RBFOX1: variants seen among roughly 807,000 people sequenced by gnomAD.
The protein encoded by RBFOX1 is RNA binding protein fox-1 homolog 1.
A neutral mutation model predicts 57.7 loss-of-function variants in RBFOX1; 8 were observed. The observed-to-expected ratio is 0.14, with a 90% CI of 0.08 to 0.25. The LOEUF (loss-of-function observed/expected upper bound fraction) is 0.25, where lower values mean the gene tolerates loss of function less well. Ranked by LOEUF, RBFOX1 falls within the 10% of genes least tolerant of loss-of-function variation. RBFOX1 has a pLI of 1.00. For synonymous variants in RBFOX1, 326 were observed against 222.4 expected (o/e 1.47, Z -4.15); for missense variants, 611 against 548.5 (o/e 1.11, Z -1.14).
chr16:7,563,164 A>T (rs957681526), intron 5 of RBFOX1, among the ~76,000 whole-genome samples: 2 of 152,230 alleles, frequency 1.3e-5, no homozygotes, highest in African/African-American at 4.8e-5. Flanking sequence ...AGATTAATAG[A>T]ATGCTAATCA....
intron 3 of RBFOX1, among the ~76,000 whole-genome samples, chr16:6,944,469 C>T (rs1017783598): frequency 5.9e-5 from 9 of 151,612 alleles, no homozygotes; most frequent in African/African-American, 1.2e-4. Context: ...CCCTGCCTTA[C>T]ATGACTTATC....
intron 4 of RBFOX1, among the ~76,000 whole-genome samples, chr16:7,252,045 G>A (rs536817238): frequency 6.6e-6 from 1 of 152,162 alleles, no homozygotes. Context: ...AAGTGGAGAA[G>A]GATATTGTGT....
At chr16:6,891,141 A>C (rs183031875) in intron 3 of RBFOX1, among the ~76,000 whole-genome samples, 25 of 152,266 alleles carry the variant, frequency 1.6e-4, no homozygotes, top group East Asian at 9.7e-4. Context: ...GTTAAAGCCT[A>C]CTCATGTCTT....
intron 2 of RBFOX1, among the ~76,000 whole-genome samples, chr16:6,555,943 G>A (rs191593484): frequency 1.3e-5 from 2 of 152,108 alleles, no homozygotes; most frequent in Non-Finnish European, 2.9e-5. Flanking sequence ...TAGGAGGATC[G>A]ACTCTATTCT....
At chr16:6,925,642 A>G (rs1219787974) in intron 3 of RBFOX1, among the ~76,000 whole-genome samples, 1 of 152,030 alleles carries the variant, frequency 6.6e-6, no homozygotes, top group Non-Finnish European at 1.5e-5. Context: ...GATAGTGGCT[A>G]CAAAGGGCTT....
intron 2 of RBFOX1, among the ~76,000 whole-genome samples, chr16:5,558,563 A>G (rs1311457976): frequency 6.6e-6 from 1 of 152,136 alleles, no homozygotes; most frequent in Non-Finnish European, 1.5e-5. Flanking sequence ...GGCCTGGTAC[A>G]AAGTAGATAA....
intron 4 of RBFOX1, among the ~76,000 whole-genome samples, chr16:7,286,264 T>C (rs950033626): frequency 2.0e-5 from 3 of 152,148 alleles, no homozygotes; most frequent in Non-Finnish European, 4.4e-5. Context: ...TGATTTTGGT[T>C]GAAGGTGACA....
chr16:6,679,531 T>C (rs2058293005), intron 3 of RBFOX1, among the ~76,000 whole-genome samples: 1 of 152,128 alleles, frequency 6.6e-6, no homozygotes, highest in Admixed American at 6.6e-5. Flanking sequence ...TACAGAGCAA[T>C]GGGGAAACAT....
intron 2 of RBFOX1, among the ~76,000 whole-genome samples, chr16:6,580,933 T>A (rs1416131599): frequency 6.6e-6 from 1 of 151,880 alleles, no homozygotes; most frequent in African/African-American, 2.4e-5. Flanking sequence ...TTGCCCTTTT[T>A]TTCCCCCAAA....
At position 6,019,660 on chromosome 16, in the gene RBFOX1, C is replaced by T; in HGVS notation, c.-459C>T. The T allele has an allele frequency of 7.7e-7, 1 of 1,302,708 alleles. No homozygotes were observed. The highest frequency in any genetic ancestry group is 9.8e-7 in the Non-Finnish European group (1 of 1,025,570). The allele number at this position is 1,302,708 out of a possible 1,614,324, so 80.7% of individuals were successfully genotyped here. A position where few individuals can be genotyped will look rare whatever the true frequency, so the allele number is the denominator to read the frequency against. On this transcript the variant is annotated 5_prime_UTR_variant, in exon 1 of 16. Coordinates refer to ENST00000550418, the MANE Select transcript of RBFOX1 (RefSeq NM_018723.4). This position sits in a 1 kb window ranked among gnomAD's most constrained non-coding sequence, Gnocchi z 4.2. Reference sequence around the variant, plus strand: ...GGGGACAGCCAGCCGTGGGCCCCGCCCCGGCGTCCGGAGCAGGAGAACTCC... The same window carrying T: ...GGGGACAGCCAGCCGTGGGCCCCGCTCCGGCGTCCGGAGCAGGAGAACTCC...
intron 1 of RBFOX1, among the ~76,000 whole-genome samples, chr16:5,431,832 C>A (rs779234937): frequency 9.9e-5 from 15 of 152,160 alleles, no homozygotes. Flanking sequence ...CTGTTTGTCC[C>A]CCTAACATCC....
intron 3 of RBFOX1, among the ~76,000 whole-genome samples, chr16:6,703,244 AT>A (rs2062135870): frequency 6.6e-6 from 1 of 151,966 alleles, no homozygotes; most frequent in Non-Finnish European, 1.5e-5. Context: ...ACTTATTATT[AT>A]TTATTATTAT....
At chr16:7,406,589 C>T (rs750455498) in intron 4 of RBFOX1, among the ~76,000 whole-genome samples, 35 of 152,204 alleles carry the variant, frequency 2.3e-4, no homozygotes, top group Non-Finnish European at 4.4e-4. Context: ...TACAAACTTT[C>T]CGGAATCCAG....
intron 1 of RBFOX1, among the ~76,000 whole-genome samples, chr16:6,043,290 C>G (rs1466207803): frequency 6.6e-6 from 1 of 152,110 alleles, no homozygotes; most frequent in Non-Finnish European, 1.5e-5. Flanking sequence ...CCCACCGAAT[C>G]TGTGCTAGAT....
At chr16:7,502,908 A>C (rs1189328664) in intron 4 of RBFOX1, among the ~76,000 whole-genome samples, 1 of 152,110 alleles carries the variant, frequency 6.6e-6, no homozygotes, top group Non-Finnish European at 1.5e-5. Flanking sequence ...CTGTAATCCT[A>C]GCTACTCGGG....
At chr16:7,488,616 CCTAT>C (rs1416426384) in intron 4 of RBFOX1, among the ~76,000 whole-genome samples, 1 of 152,152 alleles carries the variant, frequency 6.6e-6, no homozygotes, top group Non-Finnish European at 1.5e-5. Context: ...CCGTTACACA[CCTAT>C]CTACTATTTA....
intron 3 of RBFOX1, among the ~76,000 whole-genome samples, chr16:6,757,854 C>T (rs775622321): frequency 2.6e-5 from 4 of 152,144 alleles, no homozygotes; most frequent in African/African-American, 7.2e-5. Context: ...CCCCCAATTA[C>T]CCTGATCATA....
chr16:6,439,231 T>G (rs2094314615), intron 2 of RBFOX1, among the ~76,000 whole-genome samples: 1 of 150,422 alleles, frequency 6.6e-6, no homozygotes, highest in Non-Finnish European at 1.5e-5. Context: ...GCAGGGCAGA[T>G]AGCACATCCT....
intron 3 of RBFOX1, among the ~76,000 whole-genome samples, chr16:6,833,123 C>A (rs74416158): frequency 5.3e-5 from 8 of 151,092 alleles, no homozygotes; most frequent in African/African-American, 1.5e-4. Flanking sequence ...GTGGCACTTT[C>A]CTTTTTTTTC....
Sources: gnomAD v4.1 joint callset for allele counts (sites outside exome capture counted in the v4.1 genomes callset) on GRCh38, gnomAD v4.1.1 for gene constraint, Gnocchi (gnomAD v3.1) non-coding constraint, MANE v1.5 for transcripts, NCBI Gene and HGNC (gene_info 2026-07-23, HGNC 2026-07-21) for gene names.